The following TMEM131L variants were observed in gnomAD, a reference collection of about 807,000 sequenced individuals.
TMEM131L encodes the protein transmembrane 131 like.
In TMEM131L, 54 loss-of-function variants were observed where a neutral mutation model predicts 192.2. That is an observed-to-expected ratio of 0.28 (90% CI 0.23 to 0.35). The LOEUF (loss-of-function observed/expected upper bound fraction) is 0.35. Among genes scored for constraint, TMEM131L ranks in the 10% least tolerant of loss-of-function variants. The pLI is 1.00. For synonymous variants in TMEM131L, 701 were observed against 704.9 expected, an observed-to-expected ratio of 0.99 and a Z score of 0.09; for missense variants, 1,888 against 1,972.9, an observed-to-expected ratio of 0.96 and a Z score of 0.82.
chr4:153,533,316 C>A (rs767454897), intron 3 of TMEM131L, among the ~76,000 whole-genome samples: 1 of 152,132 alleles, frequency 6.6e-6, no homozygotes, highest in Non-Finnish European at 1.5e-5. Context: ...CCACATTGGC[C>A]ACGTTCACCC....
intron 3 of TMEM131L, among the ~76,000 whole-genome samples, chr4:153,546,798 A>G: frequency 6.6e-6 from 1 of 152,190 alleles, no homozygotes. Flanking sequence ...CTAATGGCGC[A>G]TGCCTGTAAA....
At chr4:153,609,950 A>C (rs576456540) in intron 25 of TMEM131L, among the ~76,000 whole-genome samples, 1 of 152,238 alleles carries the variant, frequency 6.6e-6, no homozygotes, top group South Asian at 2.1e-4. Flanking sequence ...ACTGTTTCAT[A>C]GTGCTTGATG....
At chr4:153,568,359 C>T (rs772604215) in intron 7 of TMEM131L, among the ~76,000 whole-genome samples, 1 of 152,180 alleles carries the variant, frequency 6.6e-6, no homozygotes, top group African/African-American at 2.4e-5. Flanking sequence ...GCTTTAAAAT[C>T]TCGGCTTTCT....
intron 3 of TMEM131L, among the ~76,000 whole-genome samples, chr4:153,506,495 G>A (rs1440914520): frequency 6.6e-6 from 1 of 151,998 alleles, no homozygotes; most frequent in Non-Finnish European, 1.5e-5. Context: ...ACTGTTAGAG[G>A]GTGAACTGCT....
chr4:153,571,825 T>C (rs889565436), intron 7 of TMEM131L, among the ~76,000 whole-genome samples: 26 of 152,174 alleles, frequency 1.7e-4, no homozygotes, highest in Non-Finnish European at 3.5e-4. Flanking sequence ...TCTACCAAAG[T>C]GCTAGGATGA....
At chr4:153,596,998 C>T (rs1404943865) in intron 20 of TMEM131L, among the ~76,000 whole-genome samples, 1 of 152,126 alleles carries the variant, frequency 6.6e-6, no homozygotes, top group Non-Finnish European at 1.5e-5. Context: ...TCTTGAAGCT[C>T]TCCTCATCAG....
intron 7 of TMEM131L, among the ~76,000 whole-genome samples, chr4:153,564,472 T>G (rs534109986): frequency 2.2e-4 from 33 of 152,214 alleles, no homozygotes; most frequent in African/African-American, 7.9e-4. Flanking sequence ...GTTTATAAAC[T>G]ACCTAGTTTG....
intron 25 of TMEM131L, among the ~76,000 whole-genome samples, chr4:153,606,144 T>C (rs577637333): frequency 6.6e-6 from 1 of 152,338 alleles, no homozygotes; most frequent in African/African-American, 2.4e-5. Context: ...GGTGTCTTAT[T>C]CTGTTTCTCT....
chr4:153,515,699 C>CT (rs1466522676), intron 3 of TMEM131L, among the ~76,000 whole-genome samples: 2 of 152,144 alleles, frequency 1.3e-5, no homozygotes, highest in Non-Finnish European at 2.9e-5. Context: ...TCATACATGA[C>CT]TTTTCTACAG....
At position 153,466,530 on chromosome 4, in the gene TMEM131L, T is replaced by C; in HGVS notation, c.124+9T>C. 1.5e-6 allele frequency: 2 copies of C among 1,340,572 alleles called. No individual in the cohort carries two copies. Among genetic ancestry groups the C allele is most frequent in the Non-Finnish European group, 1.9e-6 (2 of 1,039,782 alleles). 83.0% of individuals were successfully genotyped at this position (1,340,572 alleles called of 1,614,324 possible). ...AGGGGCTCAGGGACAAGGTCAGCCT[T>C]GCGCCGCTGGGCTCGCTCTGCCTCT... On this transcript the variant is annotated intron_variant, in intron 1 of 34. Coordinates refer to ENST00000409959, the MANE Select transcript of TMEM131L (RefSeq NM_001131007.2).
At chr4:153,559,327 G>T (rs1297492388) in intron 7 of TMEM131L, among the ~76,000 whole-genome samples, 2 of 152,114 alleles carry the variant, frequency 1.3e-5, no homozygotes, top group African/African-American at 4.8e-5. Context: ...GAATTTTAAG[G>T]AAGACTTCTT....
chr4:153,580,554 A>G lies in TMEM131L; in HGVS notation c.661-272A>G, dbSNP rs1489003935. Reference sequence around the variant, plus strand: ...ATTTAGAACATATTCACCTGCTTATAGGTGTAATAAGGAATTTTCATGTTG... The same window carrying G: ...ATTTAGAACATATTCACCTGCTTATGGGTGTAATAAGGAATTTTCATGTTG... On this transcript the variant is annotated intron_variant, in intron 7 of 34. Coordinates refer to ENST00000409959, the MANE Select transcript of TMEM131L (RefSeq NM_001131007.2). 3.9e-5 allele frequency among the ~76,000 whole-genome samples: 6 copies of G among 152,302 alleles called. No homozygotes were observed. The South Asian group carries it at 1.2e-3, about 32-fold the overall frequency.
rs192615582 is a variant in TMEM131L at position 153,619,825 on chromosome 4, G to C, written c.3568-931G>C. Among the ~76,000 whole-genome samples the C allele has an allele frequency of 1.6e-3, 251 of 152,344 alleles. 9 individuals carry two copies. The South Asian group carries it at 0.049, about 30-fold the overall frequency. On this transcript the variant is annotated intron_variant, in intron 26 of 34. Coordinates refer to ENST00000409959, the MANE Select transcript of TMEM131L (RefSeq NM_001131007.2). ...AGCCAATCTTTGCTTTCCATGAAGT[G>C]TGAATCCTTCAGTCAGTAGGAAGGG... is the stretch of plus-strand genomic sequence containing the variant.
At chr4:153,498,231 G>T (rs193273059) in intron 3 of TMEM131L, among the ~76,000 whole-genome samples, 80 of 152,284 alleles carry the variant, frequency 5.3e-4, no homozygotes, top group South Asian at 1.0e-3. Context: ...CCTGAGCATG[G>T]TGCCCTTGAT....
chr4:153,502,101 G>A (rs931965657), intron 3 of TMEM131L, among the ~76,000 whole-genome samples: 4 of 151,850 alleles, frequency 2.6e-5, no homozygotes, highest in African/African-American at 7.3e-5. Context: ...ACAGGTGCCC[G>A]CCACCATGCC....
rs1449300383 is a variant in TMEM131L, at chr4:153,585,622, T to C, written c.1311+11T>C. 1 of 1,562,804 alleles carries C rather than the reference T, an allele frequency of 6.4e-7. No individual in the cohort carries two copies. Among genetic ancestry groups the C allele is most frequent in the South Asian group, 1.2e-5 (1 of 82,304 alleles). ...AAGCACATGTTAAAGGTACATATAG[T>C]ATTTTTTCCCCAAGTTTTAGCTTAT... On this transcript the variant is annotated intron_variant, in intron 13 of 34. Transcript: ENST00000409959.
intron 26 of TMEM131L, among the ~76,000 whole-genome samples, chr4:153,618,743 T>G (rs754754718): frequency 6.6e-6 from 1 of 152,044 alleles, no homozygotes; most frequent in Non-Finnish European, 1.5e-5. Flanking sequence ...CTCTTCAGTT[T>G]CCTGGTTAGT....
chr4:153,565,135 T>G (rs1729108544), intron 7 of TMEM131L, among the ~76,000 whole-genome samples: 1 of 152,192 alleles, frequency 6.6e-6, no homozygotes, highest in Non-Finnish European at 1.5e-5. Flanking sequence ...CACCCTGCCT[T>G]AATGCTTAGA....
intron 11 of TMEM131L, among the ~76,000 whole-genome samples, chr4:153,584,038 A>G (rs906042605): frequency 6.6e-6 from 1 of 152,238 alleles, no homozygotes; most frequent in African/African-American, 2.4e-5. Flanking sequence ...CCTTAATTCT[A>G]GTTTTAAGAG....
Sources: allele counts gnomAD v4.1 joint callset (sites outside exome capture counted in the v4.1 genomes callset), GRCh38; gene constraint gnomAD v4.1.1; transcripts MANE v1.5; gene names NCBI Gene and HGNC (gene_info 2026-07-23, HGNC 2026-07-21).